FZD8: variants seen among roughly 807,000 people sequenced by gnomAD.
FZD8 encodes frizzled-8.
A neutral mutation model predicts 46.0 loss-of-function variants in FZD8; 18 were observed. The observed-to-expected ratio is 0.39, with a 90% CI of 0.27 to 0.58. The LOEUF is 0.58. FZD8 is among the 20% of genes least tolerant of loss of function. The pLI is 0.55. For missense variants in FZD8, 785 were observed against 983.4 expected, an observed-to-expected ratio of 0.80 and a Z score of 2.70; for synonymous variants, 586 against 467.9, an observed-to-expected ratio of 1.25 and a Z score of -3.26.
rs1202551509 is a variant in FZD8 at position 35,640,348 on chromosome 10, C to CCCGCGCCCGCCG, written c.1070_1081dup (p.Ala357_Ala360dup). 2 of 962,556 alleles carry CCCGCGCCCGCCG rather than the reference C, an allele frequency of 2.1e-6. No homozygotes were observed. The highest frequency in any genetic ancestry group is 2.5e-6 in the Non-Finnish European group (2 of 812,368). The allele number at this position is 962,556 out of a possible 1,614,324, so 59.6% of individuals were successfully genotyped here. On this transcript the variant is annotated inframe_insertion, in exon 1 of 1. Transcript: ENST00000374694. The stretch of plus-strand genomic sequence containing the variant: ...GCCGCCCGCGCCCGCGCCCGCCGCG[C>CCCGCGCCCGCCG]CCGCGCCCGCCGCCGCGCCGCCCGC...
In FZD8 at chr10:35,640,586, C is replaced by A; in HGVS notation, c.844G>T (p.Gly282Cys). Residue 282 changes from glycine (G) to cysteine (C), a missense_variant, in exon 1 of 1, where the codon GGC becomes TGC. This residue lies in a region of FZD8 where 354 missense variants were observed against 433.2 expected (regional missense o/e 0.82). Transcript: ENST00000374694. ...DERAFTVFWI[G>C]LWSVLCFVST... ...ACGAAGCAGAGCACCGACCACAGGC[C>A]GATCCAGAAGACGGTGAAGGCGCGC... The A allele has an allele frequency of 6.3e-7, 1 of 1,587,532 alleles. No individual in the cohort carries two copies. Among genetic ancestry groups the A allele is most frequent in the African/African-American group, 1.4e-5 (1 of 74,058 alleles).
In FZD8 at chr10:35,638,656, T is replaced by A. The variant is rs751276415; in HGVS notation, c.*689A>T. On this transcript the variant is annotated 3_prime_UTR_variant, in exon 1 of 1. Coordinates refer to ENST00000374694, the MANE Select transcript of FZD8 (RefSeq NM_031866.3). ...TTTTATTGACAAAATAGAATACTTA[T>A]ATCTGTTCTTACAGGGGTAAGCCTC... 4 of 152,524 alleles carry A rather than the reference T, an allele frequency of 2.6e-5. No homozygotes were observed. The highest frequency in any genetic ancestry group is 6.5e-5 in the Admixed American group (1 of 15,280). 9.4% of individuals were successfully genotyped at this position (152,524 alleles called of 1,614,324 possible).
rs1222350326 is a variant in FZD8, at chr10:35,641,987, A to AGCCGCCGCC, written c.-567_-559dup. On this transcript the variant is annotated 5_prime_UTR_variant, in exon 1 of 1. Coordinates refer to ENST00000374694, the MANE Select transcript of FZD8 (RefSeq NM_031866.3). This position sits in a 1 kb window ranked among gnomAD's most constrained non-coding sequence, Gnocchi z 6.3. ...GGGCTCATGCCCGCCCCCAAGGCCA[A>AGCCGCCGCC]GCCGCCGCCGCCGCCGCCGGAGTTG... 2 of 155,666 alleles carry AGCCGCCGCC rather than the reference A, an allele frequency of 1.3e-5. No individual in the cohort carries two copies. Among genetic ancestry groups the AGCCGCCGCC allele is most frequent in the Non-Finnish European group, 2.8e-5 (2 of 70,520 alleles). The allele number at this position is 155,666 out of a possible 1,614,324, so 9.6% of individuals were successfully genotyped here.
In FZD8 at chr10:35,641,508, C is replaced by A; in HGVS notation, c.-79G>T. On this transcript the variant is annotated 5_prime_UTR_variant, in exon 1 of 1. Transcript: ENST00000374694. The surrounding 1 kb of genome is among the most constrained non-coding windows in gnomAD (Gnocchi z 6.3). ...CCGGGGGGGGGGCCCACGAGAGAGC[C>A]GCAGACGGGTACAGCGGGTGATCTG... is the stretch of plus-strand genomic sequence containing the variant. 6.7e-7 allele frequency: 1 copy of A among 1,487,714 alleles called. No homozygotes were observed. Among genetic ancestry groups the A allele is most frequent in the East Asian group, 2.4e-5 (1 of 41,870 alleles). The allele number at this position is 1,487,714 out of a possible 1,614,324, so 92.2% of individuals were successfully genotyped here.
chr10:35,641,500 G>C lies in FZD8; in HGVS notation c.-71C>G. The C allele has an allele frequency of 2.0e-6, 3 of 1,490,496 alleles. No homozygotes were observed. The highest frequency in any genetic ancestry group is 2.6e-5 in the South Asian group (2 of 76,254). 92.3% of individuals were successfully genotyped at this position (1,490,496 alleles called of 1,614,324 possible). On this transcript the variant is annotated 5_prime_UTR_variant, in exon 1 of 1. Coordinates refer to ENST00000374694, the MANE Select transcript of FZD8 (RefSeq NM_031866.3). This position sits in a 1 kb window ranked among gnomAD's most constrained non-coding sequence, Gnocchi z 6.3. ...GAGGGGTGCCGGGGGGGGGGCCCACGAGAGAGCCGCAGACGGGTACAGCGG... is the reference window on the plus strand; with the variant it reads ...GAGGGGTGCCGGGGGGGGGGCCCACCAGAGAGCCGCAGACGGGTACAGCGG...
chr10:35,640,336 G>GC lies in FZD8; in HGVS notation c.1093dup (p.Ala365GlyfsTer356). 6 of 961,634 alleles carry GC rather than the reference G, an allele frequency of 6.2e-6. No homozygotes were observed. The highest frequency in any genetic ancestry group is 7.4e-6 in the Non-Finnish European group (6 of 811,626). The allele number at this position is 961,634 out of a possible 1,614,324, so 59.6% of individuals were successfully genotyped here. A position where few individuals can be genotyped will look rare whatever the true frequency, so the allele number is the denominator to read the frequency against. On this transcript the variant is annotated frameshift_variant, in exon 1 of 1. Transcript: ENST00000374694. LOFTEE classifies it high-confidence loss of function. ...GCGCCCGCCCGGGCCGCCCGCGCCCGCGCCCGCCGCGCCCGCGCCCGCCGC... is the reference window on the plus strand; with the variant it reads ...GCGCCCGCCCGGGCCGCCCGCGCCCGCCGCCCGCCGCGCCCGCGCCCGCCGC...
rs1221497491 is a variant in FZD8 at position 35,640,586 on chromosome 10, C to G, written c.844G>C (p.Gly282Arg). The stretch of plus-strand genomic sequence containing the variant: ...ACGAAGCAGAGCACCGACCACAGGC[C>G]GATCCAGAAGACGGTGAAGGCGCGC... ...DERAFTVFWI[G>R]LWSVLCFVST... Residue 282 changes from glycine (G) to arginine (R), a missense_variant, in exon 1 of 1, where the codon GGC becomes CGC. By Grantham distance (125) the Gly-to-Arg change is moderately radical. This residue lies in a region of FZD8 where 354 missense variants were observed against 433.2 expected (regional missense o/e 0.82). Transcript: ENST00000374694. 1.9e-6 allele frequency: 3 copies of G among 1,587,436 alleles called. No individual in the cohort carries two copies. The highest frequency in any genetic ancestry group is 3.5e-5 in the Admixed American group (2 of 57,946).
chr10:35,639,304 G>GGCCCCC lies in FZD8; in HGVS notation c.*40_*41insGGGGGC. The GGCCCCC allele has an allele frequency of 2.4e-6, 2 of 826,702 alleles. No individual in the cohort carries two copies. The highest frequency in any genetic ancestry group is 3.5e-6 in the Non-Finnish European group (2 of 565,360). 51.2% of individuals were successfully genotyped at this position (826,702 alleles called of 1,614,324 possible). A position where few individuals can be genotyped will look rare whatever the true frequency, so the allele number is the denominator to read the frequency against. On this transcript the variant is annotated 3_prime_UTR_variant, in exon 1 of 1. Coordinates refer to ENST00000374694, the MANE Select transcript of FZD8 (RefSeq NM_031866.3). The stretch of plus-strand genomic sequence containing the variant: ...CCCTTCGCTGCACTTGGCTCTCCTC[G>GGCCCCC]CCCCCCTCCCCACCCCTCCTGGGCG...
At position 35,641,004 on chromosome 10, in the gene FZD8, G is replaced by A. The variant is rs1198440971; in HGVS notation, c.426C>T (p.Gly142=). The change falls in exon 1 of 1, where the codon GGC becomes GGT. Residue 142 remains glycine (G), a synonymous_variant. Coordinates refer to ENST00000374694, the MANE Select transcript of FZD8 (RefSeq NM_031866.3). The surrounding 1 kb of genome is among the most constrained non-coding windows in gnomAD (Gnocchi z 6.3). Reference sequence around the variant, plus strand: ...AGTCCATGCACAGCGTGTCAGGGTTGCCTTGCTCGGGCAGCCGGTCGCAGC... The same window carrying A: ...AGTCCATGCACAGCGTGTCAGGGTTACCTTGCTCGGGCAGCCGGTCGCAGC... ...RMRCDRLPEQ[G]NPDTLCMDYN... is the part of the protein sequence containing the mutation. 7 of 1,605,150 alleles carry A rather than the reference G, an allele frequency of 4.4e-6. No homozygotes were observed. Among genetic ancestry groups the A allele is most frequent in the East Asian group, 2.2e-5 (1 of 44,542 alleles).
At position 35,640,389 on chromosome 10, in the gene FZD8, C is replaced by G. The variant is rs536128254; in HGVS notation, c.1041G>C (p.Ala347=). The stretch of plus-strand genomic sequence containing the variant: ...CGCCGCCCGCGCCCCCAGCGCCCCC[C>G]GCGCCCGGCGCGCCACCGCTGCACG... ...KVACSGGAPG[A]GGAGGAGGAA... Residue 347 remains alanine, a synonymous_variant, in exon 1 of 1, where the codon GCG becomes GCC. Coordinates refer to ENST00000374694, the MANE Select transcript of FZD8 (RefSeq NM_031866.3). 5.2e-6 allele frequency: 6 copies of G among 1,144,572 alleles called. No individual in the cohort carries two copies. In the Admixed American group the frequency reaches 2.2e-4, roughly 43 times the overall value. The allele number at this position is 1,144,572 out of a possible 1,614,324, so 70.9% of individuals were successfully genotyped here. A position where few individuals can be genotyped will look rare whatever the true frequency, so the allele number is the denominator to read the frequency against.
rs1588706068 is a variant in FZD8, at chr10:35,640,357, G to T, written c.1073C>A (p.Ala358Glu). ...GCCCGCGCCCGCCGCGCCCGCGCCC[G>T]CCGCCGCGCCGCCCGCGCCCCCAGC... ...GGAGGAGGAA[A>E]GAGAAGAGAG... The change falls in exon 1 of 1, where the codon GCG becomes GAG. Residue 358 changes from alanine (A) to glutamate (E), a missense_variant. Around this residue, in one of 5 missense-constraint regions of FZD8, gnomAD observed 88 missense variants for 83.6 expected, o/e 1.05. Transcript: ENST00000374694. 1 of 962,162 alleles carries T rather than the reference G, an allele frequency of 1.0e-6. No homozygotes were observed. The highest frequency in any genetic ancestry group is 1.2e-6 in the Non-Finnish European group (1 of 812,184). The allele number at this position is 962,162 out of a possible 1,614,324, so 59.6% of individuals were successfully genotyped here.
chr10:35,640,034 G>A lies in FZD8; in HGVS notation c.1396C>T (p.Pro466Ser), dbSNP rs1258853261. 1 of 1,610,408 alleles carries A rather than the reference G, an allele frequency of 6.2e-7. No individual in the cohort carries two copies. The highest frequency in any genetic ancestry group is 8.5e-7 in the Non-Finnish European group (1 of 1,179,624). ...CCCACGTAGCAGATGCCCGCCACCG[G>A]GTCGCCGTCCACCGAGCTGAGCGCC... is the stretch of plus-strand genomic sequence containing the variant. ...VLALSSVDGD[P>S]VAGICYVGNQ... Residue 466 changes from proline to serine, a missense_variant, in exon 1 of 1, where the codon CCG (proline) becomes TCG (serine). Physicochemically the swap from Pro to Ser is moderately conservative, Grantham distance 74. This residue lies in a region of FZD8 where 147 missense variants were observed against 242.5 expected (regional missense o/e 0.61). Coordinates refer to ENST00000374694, the MANE Select transcript of FZD8 (RefSeq NM_031866.3).
At position 35,639,888 on chromosome 10, in the gene FZD8, G is replaced by T; in HGVS notation, c.1542C>A (p.Ile514=). ...FVSLFRIRSV[I]KQQDGPTKTH... ...TCTTGGTGGGGCCGTCCTGTTGCTTGATGACCGAGCGGATGCGGAAGAGGG... is the reference window on the plus strand; with the variant it reads ...TCTTGGTGGGGCCGTCCTGTTGCTTTATGACCGAGCGGATGCGGAAGAGGG... The change falls in exon 1 of 1, where the codon ATC becomes ATA. Residue 514 remains isoleucine (I), a synonymous_variant. Coordinates refer to ENST00000374694, the MANE Select transcript of FZD8 (RefSeq NM_031866.3). 1 of 1,612,268 alleles carries T rather than the reference G, an allele frequency of 6.2e-7. No homozygotes were observed. The highest frequency in any genetic ancestry group is 8.5e-7 in the Non-Finnish European group (1 of 1,179,934).
chr10:35,640,293 C>G lies in FZD8; in HGVS notation c.1137G>C (p.Leu379=), dbSNP rs762459701. ...GPGGRGEYEE[L]GAVEQHVRYE... is the part of the protein sequence containing the mutation. ...AGCGCACGTGCTGCTCCACCGCGCC[C>G]AGCTCCTCGTACTCGCCGCGCCCGC... The change falls in exon 1 of 1, where the codon CTG becomes CTC. Residue 379 remains leucine, a synonymous_variant. Coordinates refer to ENST00000374694, the MANE Select transcript of FZD8 (RefSeq NM_031866.3). 6.4e-7 allele frequency: 1 copy of G among 1,571,528 alleles called. No individual in the cohort carries two copies. Among genetic ancestry groups the G allele is most frequent in the Admixed American group, 1.7e-5 (1 of 58,000 alleles).
In FZD8 at chr10:35,641,016, C is replaced by A. The variant is rs376808880; in HGVS notation, c.414G>T (p.Leu138=). 126 of 1,605,956 alleles carry A rather than the reference C, an allele frequency of 7.8e-5. No homozygotes were observed. Among genetic ancestry groups the A allele is most frequent in the Non-Finnish European group, 1.0e-4 (119 of 1,177,350 alleles). ...GCGTGTCAGGGTTGCCTTGCTCGGGCAGCCGGTCGCAGCGCATGCGGTCGG... is the reference window on the plus strand; with the variant it reads ...GCGTGTCAGGGTTGCCTTGCTCGGGAAGCCGGTCGCAGCGCATGCGGTCGG... The part of the protein sequence containing the change: ...AWPDRMRCDR[L]PEQGNPDTLC... Residue 138 remains leucine (L), a synonymous_variant, in exon 1 of 1, where the codon CTG becomes CTT. Transcript: ENST00000374694. This position sits in a 1 kb window ranked among gnomAD's most constrained non-coding sequence, Gnocchi z 6.3.
chr10:35,641,128 T>C lies in FZD8; in HGVS notation c.302A>G (p.Lys101Arg), dbSNP rs749202702. The C allele has an allele frequency of 1.2e-6, 2 of 1,612,962 alleles. No homozygotes were observed. The highest frequency in any genetic ancestry group is 2.2e-5 in the East Asian group (1 of 44,814). The change falls in exon 1 of 1, where the codon AAG becomes AGG. Residue 101 changes from lysine (K) to arginine (R), a missense_variant. Around this residue, in one of 5 missense-constraint regions of FZD8, gnomAD observed 354 missense variants for 433.2 expected, o/e 0.82. Transcript: ENST00000374694. This position sits in a 1 kb window ranked among gnomAD's most constrained non-coding sequence, Gnocchi z 6.3. ...MYTPICLEDY[K>R]KPLPPCRSVC... ...CGAGCGGCAGGGCGGCAGCGGCTTC[T>C]TGTAGTCCTCTAGGCAGATGGGCGT...
chr10:35,639,184 T>C lies in FZD8; in HGVS notation c.*161A>G, dbSNP rs1835809121. 1 of 233,414 alleles carries C rather than the reference T, an allele frequency of 4.3e-6. No individual in the cohort carries two copies. The highest frequency in any genetic ancestry group is 1.3e-4 in the South Asian group (1 of 7,748). The allele number at this position is 233,414 out of a possible 1,614,324, so 14.5% of individuals were successfully genotyped here. ...CAGGTACTTTGTTCTAAGTGAGTCA[T>C]TTAAGTCCCAGCTAATGGATACCAT... On this transcript the variant is annotated 3_prime_UTR_variant, in exon 1 of 1. Coordinates refer to ENST00000374694, the MANE Select transcript of FZD8 (RefSeq NM_031866.3).
Position 35,641,364 on chromosome 10 carries a change from A to G in FZD8, c.66T>C (p.Ser22=), listed in dbSNP as rs1344708342. Residue 22 remains serine, a synonymous_variant, in exon 1 of 1, where the codon TCT becomes TCC. Transcript: ENST00000374694. This position sits in a 1 kb window ranked among gnomAD's most constrained non-coding sequence, Gnocchi z 6.3. ...LLAALALLQR[S]SGAAAASAKE... ...TGGCCGAGGCGGCCGCAGCGCCGCT[A>G]GAGCGCTGCAGCAGCGCCAAGGCGG... 18 of 1,613,236 alleles carry G rather than the reference A, an allele frequency of 1.1e-5. No individual in the cohort carries two copies. In the Middle Eastern group the frequency reaches 9.9e-4, roughly 89 times the overall value.
At position 35,640,442 on chromosome 10, in the gene FZD8, G is replaced by T; in HGVS notation, c.988C>A (p.Arg330Ser). Reference sequence around the variant, plus strand: ...ACCTTCTCGTGGCCCGCCACCAGGCGCACTAGGTAGCCCACCGACACGAAG... The same window carrying T: ...ACCTTCTCGTGGCCCGCCACCAGGCTCACTAGGTAGCCCACCGACACGAAG... ...YLFVSVGYLV[R>S]LVAGHEKVAC... Residue 330 changes from arginine to serine, a missense_variant, in exon 1 of 1, where the codon CGC (arginine) becomes AGC (serine). Around this residue, in one of 5 missense-constraint regions of FZD8, gnomAD observed 11 missense variants for 43.3 expected, o/e 0.25. Transcript: ENST00000374694. 1 of 1,507,130 alleles carries T rather than the reference G, an allele frequency of 6.6e-7. No individual in the cohort carries two copies. The highest frequency in any genetic ancestry group is 8.9e-7 in the Non-Finnish European group (1 of 1,119,818). The allele number at this position is 1,507,130 out of a possible 1,614,324, so 93.4% of individuals were successfully genotyped here. A position where few individuals can be genotyped will look rare whatever the true frequency, so the allele number is the denominator to read the frequency against.
Sources: gnomAD v4.1 joint callset for allele counts on GRCh38, gnomAD v4.1.1 for gene constraint, gnomAD v4.1.1 regional missense constraint, Gnocchi (gnomAD v3.1) non-coding constraint, MANE v1.5 for transcripts, NCBI Gene and HGNC (gene_info 2026-07-23, HGNC 2026-07-21) for gene names.